Variants in CCSER1 observed in about 807,000 individuals in gnomAD.
CCSER1 encodes the protein serine-rich coiled-coil domain-containing protein 1.
CCSER1 carries 41 observed loss-of-function variants against 82.0 expected under a neutral mutation model. The ratio of observed to expected loss-of-function variants is 0.50; its 90% CI spans 0.39 to 0.65. The LOEUF is 0.65. Among genes scored for constraint, CCSER1 ranks in the 30% least tolerant of loss-of-function variants. CCSER1 has a pLI of 0.00. For missense variants in CCSER1, 1,119 were observed against 1,064.2 expected (o/e 1.05, Z -0.72); for synonymous variants, 414 against 383.9 (o/e 1.08, Z -0.92).
intron 10 of CCSER1, among the ~76,000 whole-genome samples, chr4:91,280,766 G>A (rs1462342061): frequency 6.6e-6 from 1 of 152,156 alleles, no homozygotes; most frequent in Non-Finnish European, 1.5e-5. Context: ...CTGGGTTGCT[G>A]CCAATGGCTC....
At chr4:90,508,155 T>A (rs1293885947) in intron 5 of CCSER1, among the ~76,000 whole-genome samples, 4 of 152,086 alleles carry the variant, frequency 2.6e-5, no homozygotes, top group African/African-American at 9.6e-5. Flanking sequence ...CAAGAATTTT[T>A]AGGATTTTGG....
At chr4:91,075,947 A>G (rs1406249240) in intron 9 of CCSER1, among the ~76,000 whole-genome samples, 2 of 152,132 alleles carry the variant, frequency 1.3e-5, no homozygotes, top group Non-Finnish European at 2.9e-5. Context: ...ATACTTCCCT[A>G]ACAGTTTTCC....
rs868620380 is a variant in CCSER1, at chr4:91,480,941, T to C, written c.2218-117631T>C. On this transcript the variant is annotated intron_variant, in intron 10 of 10. Transcript: ENST00000509176. ...GTTGAGTGACATTTTTCTTAGGTTG[T>C]GTGTGTATGTGTGAGTGAGAGAGAG... is the stretch of plus-strand genomic sequence containing the variant. Among the ~76,000 whole-genome samples, 10 of 152,162 alleles carry C rather than the reference T, an allele frequency of 6.6e-5. No homozygotes were observed. The South Asian group carries it at 1.0e-3, about 16-fold the overall frequency.
rs184202131 is a variant in CCSER1, at chr4:91,578,542, T to C, written c.2218-20030T>C. On this transcript the variant is annotated intron_variant, in intron 10 of 10. Transcript: ENST00000509176. ...ACATAATACTTAGACCTGTTGAAAT[T>C]TGAAACCATTCATCTGAGGAAATTG... Among the ~76,000 whole-genome samples the C allele has an allele frequency of 1.9e-3, 296 of 152,068 alleles. 4 individuals are homozygous for C. The highest frequency in any genetic ancestry group is 6.7e-3 in the African/African-American group (280 of 41,526).
At chr4:90,295,190 A>T (rs1172573898) in intron 1 of CCSER1, among the ~76,000 whole-genome samples, 1 of 151,906 alleles carries the variant, frequency 6.6e-6, no homozygotes, top group Non-Finnish European at 1.5e-5. Flanking sequence ...CAGATCTGTG[A>T]GTATTATTCT....
At chr4:90,191,400 C>A (rs1333057862) in intron 1 of CCSER1, among the ~76,000 whole-genome samples, 2 of 151,942 alleles carry the variant, frequency 1.3e-5, no homozygotes, top group Non-Finnish European at 2.9e-5. Flanking sequence ...TTCCTAGTGC[C>A]AAGCTGGCCT....
intron 7 of CCSER1, among the ~76,000 whole-genome samples, chr4:90,727,497 G>A (rs955066405): frequency 3.9e-5 from 6 of 152,002 alleles, no homozygotes; most frequent in Non-Finnish European, 7.4e-5. Context: ...TTTCCCTCTG[G>A]CATTCTCCCT....
intron 5 of CCSER1, among the ~76,000 whole-genome samples, chr4:90,566,034 T>A (rs1263757592): frequency 2.9e-5 from 4 of 136,692 alleles, no homozygotes; most frequent in African/African-American, 5.9e-5. Flanking sequence ...ATTTTTGTAT[T>A]TTTTTTTTTT....
At chr4:91,339,123 A>C (rs1269434086) in intron 10 of CCSER1, among the ~76,000 whole-genome samples, 1 of 152,134 alleles carries the variant, frequency 6.6e-6, no homozygotes. Flanking sequence ...TCAATGCTGA[A>C]GGAATTTTGG....
chr4:91,247,904 A>C (rs895885091), intron 10 of CCSER1, among the ~76,000 whole-genome samples: 2 of 151,830 alleles, frequency 1.3e-5, no homozygotes, highest in Admixed American at 1.3e-4. Context: ...CAATAACAAC[A>C]AAAAACACGA....
rs1749546541 is a variant in CCSER1 at position 91,365,447 on chromosome 4, A to G, written c.2218-233125A>G. ...TTGTATTTTTTAGAGCATAATGTGC[A>G]AAGTAGATGATATTATATTTTAAAT... On this transcript the variant is annotated intron_variant, in intron 10 of 10. Transcript: ENST00000509176. 4.6e-5 allele frequency among the ~76,000 whole-genome samples: 7 copies of G among 152,176 alleles called. No homozygotes were observed. In the South Asian group the frequency reaches 1.4e-3, roughly 31 times the overall value.
At chr4:90,639,262 T>A (rs1050892599) in intron 6 of CCSER1, among the ~76,000 whole-genome samples, 1 of 151,652 alleles carries the variant, frequency 6.6e-6, no homozygotes, top group Non-Finnish European at 1.5e-5. Flanking sequence ...TGAATCAATA[T>A]CAATCAATAT....
At position 90,309,279 on chromosome 4, in the gene CCSER1, C is replaced by G; in HGVS notation, c.995C>G (p.Thr332Ser). ...GKYRLEGQCS[T>S]ESNSLPETSA... Reference sequence around the variant, plus strand: ...TATAGGTTAGAGGGTCAATGTAGCACTGAATCTAATTCATTACCGGAAACC... The same window carrying G: ...TATAGGTTAGAGGGTCAATGTAGCAGTGAATCTAATTCATTACCGGAAACC... Residue 332 changes from threonine to serine, a missense_variant, in exon 2 of 11, where the codon ACT becomes AGT. Coordinates refer to ENST00000509176, the MANE Select transcript of CCSER1 (RefSeq NM_001145065.2). 1 of 1,613,840 alleles carries G rather than the reference C, an allele frequency of 6.2e-7. No individual in the cohort carries two copies. The highest frequency in any genetic ancestry group is 8.5e-7 in the Non-Finnish European group (1 of 1,179,810).
At chr4:90,529,948 T>A (rs1014624113) in intron 5 of CCSER1, among the ~76,000 whole-genome samples, 1 of 123,640 alleles carries the variant, frequency 8.1e-6, no homozygotes, top group Non-Finnish European at 1.6e-5. Flanking sequence ...TATATATATA[T>A]ATATTTTTTT....
Position 90,755,237 on chromosome 4 carries a change from G to T in CCSER1, c.2010+31246G>T, listed in dbSNP as rs563218542. On this transcript the variant is annotated intron_variant, in intron 7 of 10. Transcript: ENST00000509176. Reference sequence around the variant, plus strand: ...TGGTATAACTGAGGAACAAGAGGGGGTGCATATTGATAAACAAGTAAGAGT... The same window carrying T: ...TGGTATAACTGAGGAACAAGAGGGGTTGCATATTGATAAACAAGTAAGAGT... Among the ~76,000 whole-genome samples, 7 of 152,294 alleles carry T rather than the reference G, an allele frequency of 4.6e-5. No homozygotes were observed. The South Asian group carries it at 1.5e-3, about 32-fold the overall frequency.
chr4:91,052,248 T>A (rs1743071701), intron 9 of CCSER1, among the ~76,000 whole-genome samples: 1 of 152,072 alleles, frequency 6.6e-6, no homozygotes. Context: ...CTTTTTCCAT[T>A]CTCTACTCAA....
At chr4:91,299,317 T>A (rs2149235406) in intron 10 of CCSER1, among the ~76,000 whole-genome samples, 1 of 152,146 alleles carries the variant, frequency 6.6e-6, no homozygotes, top group South Asian at 2.1e-4. Context: ...AAACTGTCTT[T>A]TAAAAAAATG....
chr4:90,391,467 TATATATATATATATATATAC>T (rs1399676080), intron 3 of CCSER1, among the ~76,000 whole-genome samples: 9 of 89,842 alleles, frequency 1.0e-4, no homozygotes, highest in African/African-American at 5.8e-4. Context: ...TATATATATA[TATATATATATATATATATAC>T]ACACACACAG....
chr4:91,569,467 G>T (rs1763059610), intron 10 of CCSER1, among the ~76,000 whole-genome samples: 1 of 152,116 alleles, frequency 6.6e-6, no homozygotes, highest in African/African-American at 2.4e-5. Context: ...AAATACCAGA[G>T]ACTGAGTACT....
Sources: allele counts gnomAD v4.1 joint callset (sites outside exome capture counted in the v4.1 genomes callset), GRCh38; gene constraint gnomAD v4.1.1; transcripts MANE v1.5; gene names NCBI Gene and HGNC (gene_info 2026-07-23, HGNC 2026-07-21).